FRMPD4: variants seen among roughly 807,000 people sequenced by gnomAD.
FRMPD4 encodes FERM and PDZ domain-containing protein 4.
In FRMPD4, 22 loss-of-function variants were observed where a neutral mutation model predicts 94.1. The observed-to-expected ratio is 0.23, with a 90% CI of 0.17 to 0.33. The LOEUF (loss-of-function observed/expected upper bound fraction) is 0.33, where lower values mean the gene tolerates loss of function less well. Among genes scored for constraint, FRMPD4 ranks in the 10% least tolerant of loss-of-function variants. FRMPD4 has a pLI of 1.00. For missense variants in FRMPD4, 1,111 were observed against 1,339.9 expected (o/e 0.83, Z 2.67); for synonymous variants, 631 against 548.6 (o/e 1.15, Z -2.10).
At chrX:12,112,772 A>G (rs2055377398) in intron 3 of FRMPD4, among the ~76,000 whole-genome samples, 1 of 111,264 alleles carries the variant, frequency 9.0e-6, no homozygotes, top group Middle Eastern at 4.2e-3. Context: ...ATTATTATTT[A>G]TTCAATATCC....
At chrX:12,279,010 A>G (rs1373120679) in intron 1 of FRMPD4, among the ~76,000 whole-genome samples, 3 of 112,190 alleles carry the variant, frequency 2.7e-5, no homozygotes, top group Admixed American at 9.4e-5. Flanking sequence ...CCTTTCTCCT[A>G]TTACCTTCCT....
chrX:12,442,199 G>A (rs771793187), intron 1 of FRMPD4, among the ~76,000 whole-genome samples: 14 of 111,148 alleles, frequency 1.3e-4, no homozygotes, highest in South Asian at 3.8e-4. Context: ...GGTTATATGT[G>A]TGCCAAGATT....
intron 2 of FRMPD4, among the ~76,000 whole-genome samples, chrX:12,564,529 A>T (rs1341639994): frequency 2.7e-5 from 3 of 111,884 alleles, no homozygotes; most frequent in Non-Finnish European, 5.6e-5. Context: ...TTTTCCCCAA[A>T]ATGACTCTGA....
chrX:12,413,634 G>A (rs534163757), intron 1 of FRMPD4, among the ~76,000 whole-genome samples: 1 of 111,988 alleles, frequency 8.9e-6, no homozygotes, highest in Admixed American at 9.5e-5. Context: ...AGAACAGCTG[G>A]CCCAGTGGTC....
chrX:12,591,180 C>T (rs1422041604), intron 2 of FRMPD4, among the ~76,000 whole-genome samples: 1 of 111,904 alleles, frequency 8.9e-6, no homozygotes, highest in Non-Finnish European at 1.9e-5. Context: ...TTGATTAGCA[C>T]ACATTTTGTA....
chrX:11,997,201 G>A (rs1207037367), intron 3 of FRMPD4, among the ~76,000 whole-genome samples: 1 of 111,010 alleles, frequency 9.0e-6, no homozygotes, highest in Non-Finnish European at 1.9e-5. Context: ...ACATGAAGGG[G>A]CATTTAAGAA....
At chrX:12,144,095 G>C (rs1450272211) in intron 1 of FRMPD4, among the ~76,000 whole-genome samples, 9 of 112,119 alleles carry the variant, frequency 8.0e-5, no homozygotes, top group Admixed American at 5.7e-4. Context: ...AGAATGCCTA[G>C]TATTTCCTTA....
chrX:12,070,547 C>G (rs2054958335), intron 3 of FRMPD4, among the ~76,000 whole-genome samples: 1 of 111,550 alleles, frequency 9.0e-6, no homozygotes, highest in African/African-American at 3.3e-5. Flanking sequence ...GTTCAAATCT[C>G]TAGCCTAATG....
At chrX:12,680,179 G>C (rs936140237) in intron 5 of FRMPD4, among the ~76,000 whole-genome samples, 1 of 112,042 alleles carries the variant, frequency 8.9e-6, no homozygotes, top group East Asian at 2.8e-4. Flanking sequence ...CACTATTGTG[G>C]CCATCTTAGC....
intron 1 of FRMPD4, among the ~76,000 whole-genome samples, chrX:12,371,275 T>A (rs949245365): frequency 2.7e-5 from 3 of 112,796 alleles, no homozygotes; most frequent in Non-Finnish European, 5.6e-5. Context: ...GCTACCCATA[T>A]GGCGTAGCCT....
At chrX:12,046,659 G>C (rs1210051156) in intron 3 of FRMPD4, among the ~76,000 whole-genome samples, 1 of 112,014 alleles carries the variant, frequency 8.9e-6, no homozygotes, top group Non-Finnish European at 1.9e-5. Context: ...ATATTACAAA[G>C]GATACAGATG....
At chrX:12,645,347 C>CTTTTTTTTTTTTTTTTT (rs138817056) in intron 4 of FRMPD4, among the ~76,000 whole-genome samples, 20 of 55,642 alleles carry the variant, frequency 3.6e-4, no homozygotes, top group African/African-American at 1.7e-3. Flanking sequence ...CACTCTCACT[C>CTTTTTTTTTTTTTTTTT]TTTTTTTTTT....
At chrX:11,878,776 CATT>C (rs1879484460) in intron 3 of FRMPD4, among the ~76,000 whole-genome samples, 1 of 112,153 alleles carries the variant, frequency 8.9e-6, no homozygotes, top group South Asian at 3.7e-4. Context: ...AATGCTTTCT[CATT>C]AATCACTGGC....
chrX:12,212,220 A>T (rs1453408040), intron 1 of FRMPD4, among the ~76,000 whole-genome samples: 5 of 111,820 alleles, frequency 4.5e-5, no homozygotes, highest in Non-Finnish European at 1.9e-5. Context: ...AAAAAAAAAA[A>T]TTTTAACCCT....
chrX:12,350,911 C>G (rs2055793766), intron 1 of FRMPD4, among the ~76,000 whole-genome samples: 1 of 112,574 alleles, frequency 8.9e-6, no homozygotes, highest in Non-Finnish European at 1.9e-5. Context: ...CACAGTGGCT[C>G]ACGCCTGTAA....
intron 16 of FRMPD4, 73 bp from the exon 17 acceptor site, chrX:12,720,461 A>C: frequency 1.5e-5 from 15 of 1,015,895 alleles, no homozygotes; most frequent in East Asian, 3.0e-5. Context: ...GACATCATGT[A>C]GAGATGTAGT....
chrX:11,893,836 G>A (rs934292978), intron 3 of FRMPD4, among the ~76,000 whole-genome samples: 8 of 111,261 alleles, frequency 7.2e-5, no homozygotes, highest in Non-Finnish European at 1.9e-5. Context: ...TCCCTAGAGA[G>A]TTAGAGAAGG....
intron 1 of FRMPD4, among the ~76,000 whole-genome samples, chrX:12,466,701 A>G: frequency 8.9e-6 from 1 of 112,294 alleles, no homozygotes; most frequent in Middle Eastern, 4.6e-3. Flanking sequence ...TTAGTGAGGG[A>G]CACAGAAAAG....
chrX:11,835,981 A>G (rs936052507), intron 1 of FRMPD4, among the ~76,000 whole-genome samples: 2 of 112,095 alleles, frequency 1.8e-5, no homozygotes, highest in Non-Finnish European at 3.8e-5. Context: ...ACATTATGAT[A>G]GAAACTTTGG....
Sources: gnomAD v4.1 joint callset for allele counts (sites outside exome capture counted in the v4.1 genomes callset) on GRCh38, gnomAD v4.1.1 for gene constraint, MANE v1.5 for transcripts, NCBI Gene and HGNC (gene_info 2026-07-23, HGNC 2026-07-21) for gene names.